Variants in FBXW7 observed in about 807,000 individuals in gnomAD.
FBXW7 encodes F-box and WD repeat domain containing 7.
FBXW7 carries 11 observed loss-of-function variants against 86.3 expected under a neutral mutation model. That is an observed-to-expected ratio of 0.13 (90% CI 0.08 to 0.21). The LOEUF (loss-of-function observed/expected upper bound fraction) is 0.21. Among genes scored for constraint, FBXW7 ranks in the 10% least tolerant of loss-of-function variants. The probability of loss-of-function intolerance (pLI) is 1.00; values close to 1 mark genes in which losing one functional copy is unlikely to be tolerated. For synonymous variants in FBXW7, 313 were observed against 297.9 expected, an observed-to-expected ratio of 1.05 and a Z score of -0.52; for missense variants, 488 against 847.4, an observed-to-expected ratio of 0.58 and a Z score of 5.27.
intron 4 of FBXW7, among the ~76,000 whole-genome samples, chr4:152,390,161 A>T (rs1735874991): frequency 6.6e-6 from 1 of 151,840 alleles, no homozygotes; most frequent in Admixed American, 6.6e-5. Flanking sequence ...ACTAGCATAT[A>T]GAGTATATTT....
chr4:152,367,706 T>C (rs1174657370), intron 4 of FBXW7, among the ~76,000 whole-genome samples: 2 of 152,152 alleles, frequency 1.3e-5, no homozygotes, highest in East Asian at 3.8e-4. Context: ...TACACACTGA[T>C]ATCTAAATCT....
intron 2 of FBXW7, among the ~76,000 whole-genome samples, chr4:152,430,703 T>C (rs1307476174): frequency 6.6e-6 from 1 of 152,118 alleles, no homozygotes; most frequent in Non-Finnish European, 1.5e-5. Flanking sequence ...ATAAGAACAT[T>C]AGAGGGAAGA....
chr4:152,360,467 T>C (rs1226521441), intron 4 of FBXW7, among the ~76,000 whole-genome samples: 1 of 152,158 alleles, frequency 6.6e-6, no homozygotes, highest in African/African-American at 2.4e-5. Flanking sequence ...GAGTACACAA[T>C]TCACCGATTC....
intron 2 of FBXW7, among the ~76,000 whole-genome samples, chr4:152,493,856 G>A (rs1746077280): frequency 6.6e-6 from 1 of 152,188 alleles, no homozygotes; most frequent in African/African-American, 2.4e-5. Flanking sequence ...CACACCAAGT[G>A]AGAGATCAAA....
intron 2 of FBXW7, among the ~76,000 whole-genome samples, chr4:152,488,530 C>T (rs1745555310): frequency 1.3e-5 from 2 of 152,048 alleles, no homozygotes; most frequent in South Asian, 2.1e-4. Flanking sequence ...ACCTTACAGA[C>T]TCTAACTTTG....
intron 2 of FBXW7, among the ~76,000 whole-genome samples, chr4:152,444,640 G>C (rs1180237512): frequency 6.6e-6 from 1 of 152,168 alleles, no homozygotes; most frequent in African/African-American, 2.4e-5. Flanking sequence ...GCAAGGCATA[G>C]AAACAAGGTA....
chr4:152,426,099 T>A (rs1316374237), intron 2 of FBXW7, among the ~76,000 whole-genome samples: 1 of 152,148 alleles, frequency 6.6e-6, no homozygotes, highest in African/African-American at 2.4e-5. Context: ...GTGGTAATGT[T>A]CCTGGGCAAC....
intron 4 of FBXW7, among the ~76,000 whole-genome samples, chr4:152,357,396 T>C (rs1036768473): frequency 2.3e-4 from 35 of 151,924 alleles, no homozygotes; most frequent in Admixed American, 1.1e-3. Context: ...TCTCGGCTCA[T>C]TGCAACCTCC....
At chr4:152,527,819 A>G (rs1007305420) in intron 2 of FBXW7, among the ~76,000 whole-genome samples, 13 of 151,520 alleles carry the variant, frequency 8.6e-5, no homozygotes, top group African/African-American at 3.2e-4. Context: ...CACTCTCATA[A>G]GCATTGACTA....
intron 2 of FBXW7, among the ~76,000 whole-genome samples, chr4:152,464,305 T>A (rs759251343): frequency 3.3e-5 from 5 of 152,038 alleles, no homozygotes; most frequent in Non-Finnish European, 4.4e-5. Context: ...GAACCCAGCA[T>A]GGAGCATTAA....
chr4:152,438,333 T>G (rs576338448), intron 2 of FBXW7, among the ~76,000 whole-genome samples: 6 of 152,286 alleles, frequency 3.9e-5, no homozygotes, highest in African/African-American at 1.2e-4. Context: ...TGATATTTGC[T>G]TAATTGTAGT....
Position 152,411,336 on chromosome 4 carries a change from T to G in FBXW7, c.468A>C (p.Gln156His), listed in dbSNP as rs774640620. ...SSSIVDLPVHQLSSPFYTKTT... is the reference protein window; with the variant it reads ...SSSIVDLPVHHLSSPFYTKTT... ...TTTTTGTATAGAATGGGGAGGAGAGTTGGTGAACGGGCAGGTCCACAATAC... is the reference window on the plus strand; with the variant it reads ...TTTTTGTATAGAATGGGGAGGAGAGGTGGTGAACGGGCAGGTCCACAATAC... The change falls in exon 4 of 14, where the codon CAA becomes CAC. Residue 156 changes from glutamine to histidine, a missense_variant. Physicochemically the swap from Gln to His is conservative, Grantham distance 24 (BLOSUM62 0). Coordinates refer to ENST00000281708, the MANE Select transcript of FBXW7 (RefSeq NM_001349798.2). 3 of 1,611,064 alleles carry G rather than the reference T, an allele frequency of 1.9e-6. No homozygotes were observed. The highest frequency in any genetic ancestry group is 2.2e-5 in the East Asian group (1 of 44,800).
At chr4:152,352,373 A>T (rs2126659340) in intron 4 of FBXW7, 1 of 1,481,536 alleles carries the variant, frequency 6.7e-7, no homozygotes, top group Non-Finnish European at 9.2e-7. Context: ...CACCAAAATT[A>T]GAGGATACTG....
chr4:152,378,730 T>G (rs919578936), intron 4 of FBXW7, among the ~76,000 whole-genome samples: 1 of 152,282 alleles, frequency 6.6e-6, no homozygotes, highest in South Asian at 2.1e-4. Context: ...ATGCCGGGCA[T>G]GGTGGTTCAT....
chr4:152,527,509 T>C (rs953134906), intron 2 of FBXW7, among the ~76,000 whole-genome samples: 1 of 152,222 alleles, frequency 6.6e-6, no homozygotes, highest in Non-Finnish European at 1.5e-5. Flanking sequence ...GGCCCCAGCC[T>C]GTAATCTCAA....
At chr4:152,381,833 T>A (rs1735103922) in intron 4 of FBXW7, among the ~76,000 whole-genome samples, 1 of 152,146 alleles carries the variant, frequency 6.6e-6, no homozygotes, top group Admixed American at 6.5e-5. Context: ...TTCCCATGTA[T>A]AAGGAGAATA....
intron 4 of FBXW7, among the ~76,000 whole-genome samples, chr4:152,400,538 G>A (rs1736833474): frequency 1.3e-5 from 2 of 151,758 alleles, no homozygotes; most frequent in Non-Finnish European, 2.9e-5. Flanking sequence ...TTAAGGAGGA[G>A]GTCTCAGTAT....
At chr4:152,479,236 TGAG>T (rs1744671041) in intron 2 of FBXW7, among the ~76,000 whole-genome samples, 1 of 152,266 alleles carries the variant, frequency 6.6e-6, no homozygotes, top group African/African-American at 2.4e-5. Flanking sequence ...TAGACTATAC[TGAG>T]TAGTGAAACA....
At chr4:152,533,073 C>T (rs1453776113) in intron 2 of FBXW7, among the ~76,000 whole-genome samples, 1 of 151,980 alleles carries the variant, frequency 6.6e-6, no homozygotes, top group Admixed American at 6.6e-5. Context: ...GCCTGTAGTC[C>T]CAGCTATTTG....
Sources: gnomAD v4.1 joint callset for allele counts (sites outside exome capture counted in the v4.1 genomes callset) on GRCh38, gnomAD v4.1.1 for gene constraint, MANE v1.5 for transcripts, NCBI Gene and HGNC (gene_info 2026-07-23, HGNC 2026-07-21) for gene names.